The following INTS9 variants were observed in gnomAD, a reference collection of about 807,000 sequenced individuals.
INTS9 encodes the protein protein related to CPSF subunits of 74 kDa.
In INTS9, 55 loss-of-function variants were observed where a neutral mutation model predicts 79.7. That is an observed-to-expected ratio of 0.69 (90% confidence interval 0.56 to 0.86). INTS9 has a LOEUF of 0.86. Ranked by LOEUF, INTS9 falls within the 40% of genes least tolerant of loss-of-function variation. INTS9 has a pLI of 0.00. For synonymous variants in INTS9, 319 were observed against 325.2 expected, an observed-to-expected ratio of 0.98 and a Z score of 0.20; for missense variants, 721 against 831.5, an observed-to-expected ratio of 0.87 and a Z score of 1.64.
intron 14 of INTS9, among the ~76,000 whole-genome samples, chr8:28,772,253 G>A (rs117658811): frequency 0.033 from 5,049 of 152,280 alleles, 134 homozygotes; most frequent in South Asian, 0.13. Flanking sequence ...GGCTGGGTGC[G>A]GTGGCTCACG....
intron 8 of INTS9, among the ~76,000 whole-genome samples, chr8:28,806,421 A>C (rs1804817106): frequency 6.6e-6 from 1 of 152,280 alleles, no homozygotes. Flanking sequence ...ATATTAAAAA[A>C]GTAAAAATTG....
chr8:28,770,974 C>A lies in INTS9; in HGVS notation c.1662+8G>T, dbSNP rs553731347. ...GGGTCCCCTGCACTCCCACCCAGCA[C>A]CCCCTACCTGAAGCAAGTGCTTGTT... On this transcript the variant is annotated splice_region_variant and intron_variant, in intron 15 of 16. Transcript: ENST00000521022. 3 of 1,610,330 alleles carry A rather than the reference C, an allele frequency of 1.9e-6. No individual in the cohort carries two copies. In the South Asian group the frequency reaches 3.3e-5, roughly 18 times the overall value.
rs541879110 is a variant in INTS9 at position 28,781,649 on chromosome 8, G to A, written c.1099-655C>T. ...TGCCAAGCTACGAAAAGACATGAAG[G>A]AACCTATTCCTAAGTGAAGGGCGCC... On this transcript the variant is annotated intron_variant, in intron 11 of 16. Coordinates refer to ENST00000521022, the MANE Select transcript of INTS9 (RefSeq NM_018250.4). 7.9e-5 allele frequency among the ~76,000 whole-genome samples: 12 copies of A among 152,266 alleles called. No homozygotes were observed. The South Asian group carries it at 2.3e-3, about 29-fold the overall frequency.
chr8:28,879,702 A>C (rs1809590856), intron 1 of INTS9, among the ~76,000 whole-genome samples: 1 of 152,236 alleles, frequency 6.6e-6, no homozygotes, highest in Non-Finnish European at 1.5e-5. Context: ...CAAAATGGAG[A>C]GTACCCATAG....
intron 14 of INTS9, among the ~76,000 whole-genome samples, chr8:28,773,678 C>T (rs1225618701): frequency 1.8e-5 from 2 of 109,842 alleles, no homozygotes; most frequent in Non-Finnish European, 4.1e-5. Context: ...TGCCACCACG[C>T]CTGTGGCTAA....
intron 8 of INTS9, 25 bp downstream of exon 8, chr8:28,812,302 T>G (rs778344194): frequency 2.5e-6 from 4 of 1,609,144 alleles, no homozygotes; most frequent in Non-Finnish European, 3.4e-6. Flanking sequence ...AAAAGCTGAG[T>G]TGCTAGAAGA....
intron 12 of INTS9, 87 bp downstream of exon 12, chr8:28,780,736 T>C: frequency 1.9e-6 from 3 of 1,540,964 alleles, no homozygotes; most frequent in Non-Finnish European, 2.6e-6. Flanking sequence ...CACTGCAAAA[T>C]CCTTCCCTGG....
At chr8:28,834,189 C>A (rs184286112) in intron 6 of INTS9, among the ~76,000 whole-genome samples, 1 of 152,166 alleles carries the variant, frequency 6.6e-6, no homozygotes, top group African/African-American at 2.4e-5. Context: ...TTCATGCTCA[C>A]GGATACTGCC....
intron 6 of INTS9, among the ~76,000 whole-genome samples, chr8:28,829,005 A>G (rs1338862431): frequency 6.6e-6 from 1 of 152,184 alleles, no homozygotes; most frequent in African/African-American, 2.4e-5. Context: ...AGTCTTCCGT[A>G]AGGTATGAAG....
At chr8:28,837,923 T>C (rs1348221490) in intron 4 of INTS9, 147 bp from the exon 5 acceptor site, 1 of 792,956 alleles carries the variant, frequency 1.3e-6, no homozygotes, top group Non-Finnish European at 2.0e-6. Context: ...CATTCTCTCA[T>C]TTGAAGAGGT....
intron 1 of INTS9, among the ~76,000 whole-genome samples, chr8:28,878,375 C>T (rs1006718649): frequency 1.3e-5 from 2 of 151,594 alleles, no homozygotes; most frequent in African/African-American, 4.9e-5. Context: ...TGCAGTGGAG[C>T]GATCATGGTT....
At chr8:28,786,950 C>G (rs540432414) in intron 11 of INTS9, among the ~76,000 whole-genome samples, 10 of 152,092 alleles carry the variant, frequency 6.6e-5, no homozygotes, top group Non-Finnish European at 2.9e-5. Context: ...ATCTCCTGAC[C>G]TTGTGATCCA....
intron 3 of INTS9, among the ~76,000 whole-genome samples, chr8:28,849,789 G>A (rs975506039): frequency 2.0e-5 from 3 of 152,122 alleles, no homozygotes; most frequent in African/African-American, 4.8e-5. Flanking sequence ...TCTGACCCTT[G>A]ATAGAAGCAG....
intron 6 of INTS9, among the ~76,000 whole-genome samples, chr8:28,817,569 A>G (rs1215875602): frequency 6.6e-6 from 1 of 152,178 alleles, no homozygotes; most frequent in Non-Finnish European, 1.5e-5. Context: ...CTTGCAGTAT[A>G]GTTTGAAGTC....
intron 1 of INTS9, among the ~76,000 whole-genome samples, chr8:28,862,804 A>G (rs1290990622): frequency 1.3e-5 from 2 of 152,220 alleles, no homozygotes; most frequent in Non-Finnish European, 2.9e-5. Context: ...CTAACCAAGG[A>G]AAGTTAACTA....
chr8:28,835,488 T>G, intron 5 of INTS9, 110 bp from the exon 6 acceptor site: 1 of 652,718 alleles, frequency 1.5e-6, no homozygotes. Context: ...CCTACACCAT[T>G]TCATCATCAT....
chr8:28,858,674 G>A (rs1188365388), intron 2 of INTS9, among the ~76,000 whole-genome samples: 1 of 150,504 alleles, frequency 6.6e-6, no homozygotes, highest in East Asian at 1.9e-4. Context: ...GGTTATCACT[G>A]TGAATAATCA....
intron 14 of INTS9, among the ~76,000 whole-genome samples, chr8:28,771,735 C>T (rs1340290909): frequency 3.3e-5 from 5 of 152,236 alleles, no homozygotes; most frequent in Non-Finnish European, 7.3e-5. Flanking sequence ...CGCCAGATCC[C>T]GTTCTTCACC....
chr8:28,813,023 A>C (rs1805242978), intron 7 of INTS9, among the ~76,000 whole-genome samples: 1 of 152,192 alleles, frequency 6.6e-6, no homozygotes, highest in Non-Finnish European at 1.5e-5. Flanking sequence ...GGGAGAGATG[A>C]AATATTACCA....
Sources: gnomAD v4.1 joint callset for allele counts (sites outside exome capture counted in the v4.1 genomes callset) on GRCh38, gnomAD v4.1.1 for gene constraint, MANE v1.5 for transcripts, NCBI Gene and HGNC (gene_info 2026-07-23, HGNC 2026-07-21) for gene names.